Variants in TSHZ3 observed in about 807,000 individuals in gnomAD.
TSHZ3 encodes the protein teashirt zinc finger homeobox 3.
In TSHZ3, 10 loss-of-function variants were observed where a neutral mutation model predicts 64.5. The observed-to-expected ratio is 0.16, with a 90% CI of 0.10 to 0.26. TSHZ3 has a LOEUF of 0.26. TSHZ3 is among the 10% of genes least tolerant of loss of function. The probability of loss-of-function intolerance (pLI) is 1.00; values close to 1 mark genes in which losing one functional copy is unlikely to be tolerated. For missense variants in TSHZ3, 1,242 were observed against 1,421.7 expected (o/e 0.87, Z 2.03); for synonymous variants, 608 against 593.1 (o/e 1.03, Z -0.36).
At chr19:31,173,240 G>A (rs73924588) in intron 5 of TSHZ3, among the ~76,000 whole-genome samples, 3,000 of 152,242 alleles carry the variant, frequency 0.02, 106 homozygotes, top group African/African-American at 0.068. Context: ...AATCCAACAG[G>A]CTTACCTCAC....
chr19:31,297,217 G>A (rs2867597), intron 1 of TSHZ3, among the ~76,000 whole-genome samples: 49,253 of 151,962 alleles, frequency 0.32, 8,141 homozygotes, highest in East Asian at 0.46. Flanking sequence ...TCAGCTCCCC[G>A]CATCCCCTCA....
intron 5 of TSHZ3, among the ~76,000 whole-genome samples, chr19:31,183,198 C>CTCTCTCTCTCTCTCTCTCTCTCTCTT (rs1568339958): frequency 1.9e-4 from 13 of 67,392 alleles, no homozygotes; most frequent in Non-Finnish European, 2.9e-4. Flanking sequence ...CTCTCTCTCT[C>CTCTCTCTCTCTCTCTCTCTCTCTCTT]TCTCTCTCTC....
intron 5 of TSHZ3, among the ~76,000 whole-genome samples, chr19:31,168,348 C>T (rs1328972820): frequency 6.6e-6 from 1 of 152,108 alleles, no homozygotes; most frequent in Non-Finnish European, 1.5e-5. Context: ...TTGGCAGGCA[C>T]ACAGAGCACT....
At chr19:31,161,958 C>A (rs372969484) in intron 5 of TSHZ3, among the ~76,000 whole-genome samples, 3 of 152,216 alleles carry the variant, frequency 2.0e-5, no homozygotes, top group African/African-American at 7.2e-5. Context: ...TCCTGACCCC[C>A]GCCATCCACC....
chr19:31,164,180 G>A (rs906089172), intron 5 of TSHZ3, among the ~76,000 whole-genome samples: 8 of 152,112 alleles, frequency 5.3e-5, no homozygotes, highest in Non-Finnish European at 5.9e-5. Flanking sequence ...GAAAGAGAAC[G>A]AGACCAGCCA....
At chr19:31,256,909 C>T (rs945564252) in intron 1 of TSHZ3, among the ~76,000 whole-genome samples, 4 of 152,142 alleles carry the variant, frequency 2.6e-5, no homozygotes, top group East Asian at 1.9e-4. Flanking sequence ...GGACTGGACA[C>T]GCTACAGGTG....
intron 1 of TSHZ3, among the ~76,000 whole-genome samples, chr19:31,267,633 A>G (rs1976071702): frequency 6.9e-6 from 1 of 144,032 alleles, no homozygotes; most frequent in Admixed American, 7.0e-5. Flanking sequence ...AGTTCCATTT[A>G]GGAGAATAAG....
intron 1 of TSHZ3, among the ~76,000 whole-genome samples, chr19:31,280,458 A>C (rs899707564): frequency 1.1e-4 from 16 of 151,844 alleles, no homozygotes; most frequent in Admixed American, 8.5e-4. Flanking sequence ...ACCAGCTACC[A>C]CCCAGCCCCC....
rs141808704 is a variant in TSHZ3, at chr19:31,168,873, C to T, written n.810-12456G>A. Among the ~76,000 whole-genome samples, 15 of 152,258 alleles carry T rather than the reference C, an allele frequency of 9.9e-5. No homozygotes were observed. The East Asian group carries it at 2.7e-3, about 27-fold the overall frequency. ...TGGATAGTGTGGGGTGTATAAAAAG[C>T]AACTCATCCTGAGGGAGAAAAGCAT... On this transcript the variant is annotated intron_variant and non_coding_transcript_variant, in intron 5 of 6. Transcript: ENST00000651361.
At chr19:31,282,133 A>C (rs2145118935) in intron 1 of TSHZ3, among the ~76,000 whole-genome samples, 1 of 152,274 alleles carries the variant, frequency 6.6e-6, no homozygotes, top group East Asian at 1.9e-4. Context: ...CACCGGGTGC[A>C]TGCATATATG....
chr19:31,216,882 TC>T (rs1472659915), intron 4 of TSHZ3, among the ~76,000 whole-genome samples: 3 of 152,068 alleles, frequency 2.0e-5, no homozygotes, highest in Admixed American at 2.0e-4. Context: ...GGTCTCGATC[TC>T]CTGACCTTGT....
intron 4 of TSHZ3, among the ~76,000 whole-genome samples, chr19:31,218,272 G>A (rs1451743811): frequency 1.3e-5 from 1 of 77,042 alleles, no homozygotes; most frequent in Non-Finnish European, 2.5e-5. Flanking sequence ...AGAAGACAGA[G>A]ATGGCAAATA....
At chr19:31,213,389 A>AAAAAAAAAAAAAAG (rs1432035434) in intron 4 of TSHZ3, among the ~76,000 whole-genome samples, 2 of 147,186 alleles carry the variant, frequency 1.4e-5, no homozygotes, top group Non-Finnish European at 3.0e-5. Context: ...AAAAAAAAAA[A>AAAAAAAAAAAAAAG]AATCAGTGGT....
At chr19:31,243,093 C>G (rs115936723) in intron 1 of TSHZ3, among the ~76,000 whole-genome samples, 27 of 152,232 alleles carry the variant, frequency 1.8e-4, no homozygotes, top group African/African-American at 6.5e-4. Flanking sequence ...CAAGTTGATG[C>G]CTAAAATTAA....
chr19:31,167,547 A>G (rs1042722549), intron 5 of TSHZ3: 4 of 152,208 alleles, frequency 2.6e-5, no homozygotes, highest in Non-Finnish European at 5.9e-5. Flanking sequence ...TTTCAACTGC[A>G]TCTCTAAAGG....
chr19:31,244,967 A>G (rs745649757), intron 1 of TSHZ3, among the ~76,000 whole-genome samples: 1 of 152,238 alleles, frequency 6.6e-6, no homozygotes, highest in Non-Finnish European at 1.5e-5. Context: ...AGAAAATTTA[A>G]TATCATTGGA....
chr19:31,303,717 T>C (rs1976794573), intron 1 of TSHZ3, among the ~76,000 whole-genome samples: 1 of 152,082 alleles, frequency 6.6e-6, no homozygotes, highest in Admixed American at 6.5e-5. Context: ...AGCCCACAAG[T>C]GACAAAGGGC....
chr19:31,267,037 C>T (rs1193977206), intron 1 of TSHZ3, among the ~76,000 whole-genome samples: 1 of 152,112 alleles, frequency 6.6e-6, no homozygotes, highest in African/African-American at 2.4e-5. Context: ...TGTTTTCTGC[C>T]CAATCGTGTT....
chr19:31,294,446 G>A (rs981587099), intron 1 of TSHZ3, among the ~76,000 whole-genome samples: 1 of 152,072 alleles, frequency 6.6e-6, no homozygotes, highest in Non-Finnish European at 1.5e-5. Context: ...CACTCACTCA[G>A]CACTCAACAA....
Sources: gnomAD v4.1 joint callset for allele counts (sites outside exome capture counted in the v4.1 genomes callset) on GRCh38, gnomAD v4.1.1 for gene constraint, MANE v1.5 for transcripts, NCBI Gene and HGNC (gene_info 2026-07-23, HGNC 2026-07-21) for gene names.